XKR4: variants seen among roughly 807,000 people sequenced by gnomAD.
XKR4 encodes XK related 4, also known as XK-related protein 4.
XKR4 carries 12 observed loss-of-function variants against 53.9 expected under a neutral mutation model. That is an observed-to-expected ratio of 0.22 (90% CI 0.14 to 0.36). XKR4 has a LOEUF of 0.36. Among genes scored for constraint, XKR4 ranks in the 10% least tolerant of loss-of-function variants. The probability of loss-of-function intolerance (pLI) is 1.00; values close to 1 mark genes in which losing one functional copy is unlikely to be tolerated. For synonymous variants in XKR4, 354 were observed against 362.4 expected, an observed-to-expected ratio of 0.98 and a Z score of 0.26; for missense variants, 799 against 859.5, an observed-to-expected ratio of 0.93 and a Z score of 0.88.
chr8:55,213,451 C>A (rs1817755756), intron 1 of XKR4, among the ~76,000 whole-genome samples: 4 of 152,122 alleles, frequency 2.6e-5, no homozygotes, highest in Non-Finnish European at 5.9e-5. Flanking sequence ...TCTCGAGTAC[C>A]AATCTTAGGT....
chr8:55,223,996 G>C lies in XKR4; in HGVS notation c.806+120702G>C, dbSNP rs534028840. Among the ~76,000 whole-genome samples, 167 of 152,228 alleles carry C rather than the reference G, an allele frequency of 1.1e-3. 1 individual carries two copies. Among genetic ancestry groups the C allele is most frequent in the Non-Finnish European group, 1.8e-3 (122 of 68,002 alleles). On this transcript the variant is annotated intron_variant, in intron 1 of 2. Coordinates refer to ENST00000327381, the MANE Select transcript of XKR4 (RefSeq NM_052898.2). The stretch of plus-strand genomic sequence containing the variant: ...AAAGACAGCTCTAAAATAAATTACT[G>C]CATTTGCAGAAAAATATTTAAACCT...
chr8:55,477,016 G>A (rs965933798), intron 2 of XKR4, among the ~76,000 whole-genome samples: 1 of 152,262 alleles, frequency 6.6e-6, no homozygotes, highest in East Asian at 1.9e-4. Context: ...AGACAAAAAT[G>A]TCCCTGTCTG....
intron 1 of XKR4, among the ~76,000 whole-genome samples, chr8:55,283,685 A>G (rs935714002): frequency 1.3e-5 from 2 of 152,214 alleles, no homozygotes; most frequent in African/African-American, 4.8e-5. Context: ...AAACTCCAAT[A>G]AAATTATAAT....
chr8:55,411,732 G>T (rs1198374753), intron 2 of XKR4, among the ~76,000 whole-genome samples: 1 of 152,088 alleles, frequency 6.6e-6, no homozygotes, highest in Non-Finnish European at 1.5e-5. Context: ...AGTGGAATTC[G>T]CGAGAGTGCC....
intron 2 of XKR4, chr8:55,449,894 C>CA: frequency 1.1e-6 from 1 of 903,602 alleles, no homozygotes; most frequent in Non-Finnish European, 1.8e-6. Context: ...CCGCAGGCAG[C>CA]CTGGCGGGAG....
At chr8:55,450,787 A>T in intron 2 of XKR4, 1 of 532,030 alleles carries the variant, frequency 1.9e-6, no homozygotes, top group Non-Finnish European at 3.6e-6. Context: ...GTCTGAGAAC[A>T]GCTGCACCAA....
chr8:55,327,600 G>A (rs1803313052), intron 1 of XKR4, among the ~76,000 whole-genome samples: 1 of 152,146 alleles, frequency 6.6e-6, no homozygotes, highest in South Asian at 2.1e-4. Context: ...CTTCAAGGTT[G>A]TATTTTGCTG....
chr8:55,392,790 C>CAAAT (rs1019180808), intron 2 of XKR4, among the ~76,000 whole-genome samples: 5 of 152,042 alleles, frequency 3.3e-5, no homozygotes, highest in African/African-American at 7.2e-5. Flanking sequence ...GACCCTTTCT[C>CAAAT]AAATAAATAA....
chr8:55,476,528 T>A (rs1022328456), intron 2 of XKR4, among the ~76,000 whole-genome samples: 1 of 149,194 alleles, frequency 6.7e-6, no homozygotes, highest in Non-Finnish European at 1.5e-5. Flanking sequence ...AAGTACTGGG[T>A]TCATCTCACT....
chr8:55,425,948 CG>C (rs1805006322), intron 2 of XKR4, among the ~76,000 whole-genome samples: 1 of 152,180 alleles, frequency 6.6e-6, no homozygotes. Context: ...CAGTCTAGCA[CG>C]GGGGCTCTCA....
intron 1 of XKR4, among the ~76,000 whole-genome samples, chr8:55,182,652 T>C (rs530030636): frequency 1.6e-4 from 25 of 152,222 alleles, no homozygotes; most frequent in Non-Finnish European, 3.5e-4. Flanking sequence ...TTTACAGCTC[T>C]ATGTGTCTAT....
chr8:55,502,347 G>A (rs985730920), intron 2 of XKR4, among the ~76,000 whole-genome samples: 1 of 151,126 alleles, frequency 6.6e-6, no homozygotes, highest in South Asian at 2.1e-4. Context: ...CAGTACACAA[G>A]TGTTCCTATT....
At chr8:55,472,276 T>A (rs756603479) in intron 2 of XKR4, among the ~76,000 whole-genome samples, 76 of 152,290 alleles carry the variant, frequency 5.0e-4, no homozygotes, top group Non-Finnish European at 8.8e-4. Context: ...ATCATCTGTG[T>A]GTCTGTAAAG....
intron 1 of XKR4, among the ~76,000 whole-genome samples, chr8:55,125,207 A>T (rs1215156403): frequency 6.6e-6 from 1 of 152,098 alleles, no homozygotes; most frequent in Non-Finnish European, 1.5e-5. Context: ...AGTTATTATT[A>T]TTAACTTGCT....
chr8:55,455,219 C>A, intron 2 of XKR4: 1 of 372,456 alleles, frequency 2.7e-6, no homozygotes, highest in Non-Finnish European at 5.1e-6. Context: ...CCCTGGACCG[C>A]ACACCCGGGA....
At chr8:55,148,223 GGT>G (rs1314346900) in intron 1 of XKR4, among the ~76,000 whole-genome samples, 2 of 152,032 alleles carry the variant, frequency 1.3e-5, no homozygotes, top group African/African-American at 4.8e-5. Context: ...TGGACAACAT[GGT>G]GTAACCCCGT....
intron 2 of XKR4, among the ~76,000 whole-genome samples, chr8:55,369,359 G>GGGAA (rs1804036513): frequency 9.2e-6 from 1 of 108,364 alleles, no homozygotes; most frequent in Admixed American, 9.3e-5. Flanking sequence ...GGAAAGGGAA[G>GGGAA]GGAAGGGAAG....
At chr8:55,214,472 G>A (rs1397861052) in intron 1 of XKR4, among the ~76,000 whole-genome samples, 1 of 152,182 alleles carries the variant, frequency 6.6e-6, no homozygotes, top group African/African-American at 2.4e-5. Context: ...TGGTGATAAA[G>A]AAGGAATAAA....
At chr8:55,205,514 C>T (rs1243728951) in intron 1 of XKR4, among the ~76,000 whole-genome samples, 1 of 152,126 alleles carries the variant, frequency 6.6e-6, no homozygotes, top group African/African-American at 2.4e-5. Flanking sequence ...AAAAGAAGTG[C>T]AGCATTATTT....
Sources: gnomAD v4.1 joint callset for allele counts (sites outside exome capture counted in the v4.1 genomes callset) on GRCh38, gnomAD v4.1.1 for gene constraint, MANE v1.5 for transcripts, NCBI Gene and HGNC (gene_info 2026-07-23, HGNC 2026-07-21) for gene names.